The following OFD1 variants were observed in gnomAD, a reference collection of about 807,000 sequenced individuals.
OFD1 encodes the protein OFD1 centriole and centriolar satellite protein, also known as centriole and centriolar satellite protein OFD1.
A neutral mutation model predicts 81.4 loss-of-function variants in OFD1; 12 were observed. The ratio of observed to expected loss-of-function variants is 0.15; its 90% confidence interval spans 0.09 to 0.24. OFD1 has a LOEUF of 0.24. OFD1 is among the 10% of genes least tolerant of loss of function. The pLI is 1.00. For missense variants in OFD1, 685 were observed against 733.9 expected (o/e 0.93, Z 0.77); for synonymous variants, 256 against 263.7 (o/e 0.97, Z 0.28).
At chrX:13,727,299 T>C in the OFD1 span, among the ~76,000 whole-genome samples, 2 of 112,313 alleles carry the variant, frequency 1.8e-5, no homozygotes, top group African/African-American at 6.5e-5. Flanking sequence ...AGAATATACA[T>C]TCTTCTCAGC....
At chrX:13,773,300 CGA>C, downstream of OFD1, 2 of 190,377 alleles carry the variant, frequency 1.1e-5, no homozygotes, top group Non-Finnish European at 1.8e-5. Flanking sequence ...AAATGAAATA[CGA>C]GAGGGTGCTT....
At chrX:13,756,125 T>C (rs2047701130) in intron 12 of OFD1, among the ~76,000 whole-genome samples, 1 of 109,464 alleles carries the variant, frequency 9.1e-6, no homozygotes, top group African/African-American at 3.3e-5. Flanking sequence ...AGCTAATTGT[T>C]GTATTTTTAG....
intron 6 of OFD1, among the ~76,000 whole-genome samples, chrX:13,745,465 A>G (rs895371617): frequency 2.7e-5 from 3 of 112,590 alleles, no homozygotes; most frequent in Non-Finnish European, 3.7e-5. Flanking sequence ...TTTTACATTT[A>G]AAGCACATCT....
chrX:13,729,072 A>G, the OFD1 span, among the ~76,000 whole-genome samples: 1 of 111,802 alleles, frequency 8.9e-6, no homozygotes, highest in African/African-American at 3.3e-5. Flanking sequence ...GGAGAACTAC[A>G]AACCACTGCT....
At chrX:13,716,539 G>T in the OFD1 span, 1 of 1,211,332 alleles carries the variant, frequency 8.3e-7, no homozygotes. Context: ...GATATGCCCC[G>T]CAGTGACAAA....
At chrX:13,771,574 CTT>C (rs1224669622), downstream of OFD1, 1 of 111,895 alleles carries the variant, frequency 8.9e-6, no homozygotes, top group Admixed American at 9.5e-5. Flanking sequence ...CAAGTTAACT[CTT>C]AACAATGAAT....
At chrX:13,757,584 C>G in intron 13 of OFD1, 76 bp from the exon 14 acceptor site, 4 of 1,073,645 alleles carry the variant, frequency 3.7e-6, no homozygotes, top group Non-Finnish European at 5.1e-6. Context: ...ACCCCTTTAA[C>G]TGTTTTTGTT....
intron 5 of OFD1, among the ~76,000 whole-genome samples, chrX:13,741,148 AAAAT>A (rs2047084064): frequency 1.8e-5 from 2 of 111,766 alleles, no homozygotes; most frequent in South Asian, 3.7e-4. Context: ...CAAAAAAAAA[AAAAT>A]AGTTTTTACA....
At chrX:13,726,040 G>A in the OFD1 span, among the ~76,000 whole-genome samples, 7 of 111,829 alleles carry the variant, frequency 6.3e-5, 1 homozygote, top group South Asian at 7.4e-4. Flanking sequence ...GAAATAAAGC[G>A]AGAAAACAAG....
At chrX:13,749,580 AAAG>A (rs2047428152) in intron 9 of OFD1, 47 bp downstream of exon 9, 1 of 777,570 alleles carries the variant, frequency 1.3e-6, no homozygotes, top group Non-Finnish European at 2.0e-6. Context: ...ATGAGATTAA[AAAG>A]AATTACTAAA....
chrX:13,752,873 T>G, intron 10 of OFD1: 2 of 954,305 alleles, frequency 2.1e-6, no homozygotes, highest in Non-Finnish European at 1.3e-6. Flanking sequence ...AAATGTGCCT[T>G]TTGGTATTGC....
intron 10 of OFD1, 66 bp downstream of exon 10, chrX:13,751,434 C>A (rs747952872): frequency 1.1e-6 from 1 of 950,716 alleles, no homozygotes; most frequent in Non-Finnish European, 1.5e-6. Flanking sequence ...ATAACAAAAA[C>A]TGACAAAGTA....
chrX:13,736,376 C>G, intron 2 of OFD1, 102 bp from the exon 3 acceptor site: 1 of 1,092,106 alleles, frequency 9.2e-7, no homozygotes, highest in South Asian at 1.9e-5. Flanking sequence ...AGGAAGGTTT[C>G]CAATGAATGT....
At position 13,767,291 on chromosome X, in the gene OFD1, A is replaced by T. The variant is rs1422378780; in HGVS notation, c.2757+7A>T. On this transcript the variant is annotated splice_region_variant and intron_variant, in intron 20 of 22. Coordinates refer to ENST00000340096, the MANE Select transcript of OFD1 (RefSeq NM_003611.3). ...AAAACTGTATCAGGAAAGGGTAATA[A>T]GTATGACTTGATTCTCTGAACTGGT... 8.3e-7 allele frequency: 1 copy of T among 1,209,906 alleles called. No individual in the cohort carries two copies. Among genetic ancestry groups the T allele is most frequent in the South Asian group, 1.8e-5 (1 of 56,941 alleles).
chrX:13,750,618 A>G (rs2047467457), intron 9 of OFD1, among the ~76,000 whole-genome samples: 1 of 111,960 alleles, frequency 8.9e-6, no homozygotes, highest in South Asian at 3.7e-4. Flanking sequence ...TTTTTTCAAT[A>G]TTCAATCAAT....
In OFD1 at chrX:13,739,130, A is replaced by C. The variant is rs2046988744; in HGVS notation, c.412+98A>C. On this transcript the variant is annotated intron_variant, in intron 5 of 22. Coordinates refer to ENST00000340096, the MANE Select transcript of OFD1 (RefSeq NM_003611.3). Reference sequence around the variant, plus strand: ...ATTTTTAGGGAGAAGAGTAAAATTTAATTTGATTTAAATTATTTGATTTCT... The same window carrying C: ...ATTTTTAGGGAGAAGAGTAAAATTTCATTTGATTTAAATTATTTGATTTCT... 8 of 689,504 alleles carry C rather than the reference A, an allele frequency of 1.2e-5. No homozygotes were observed. In the South Asian group the frequency reaches 1.8e-4, roughly 15 times the overall value. 56.8% of individuals were successfully genotyped at this position (689,504 alleles called of 1,213,427 possible). A position where few individuals can be genotyped will look rare whatever the true frequency, so the allele number is the denominator to read the frequency against.
At chrX:13,729,273 A>C in the OFD1 span, among the ~76,000 whole-genome samples, 2 of 112,129 alleles carry the variant, frequency 1.8e-5, no homozygotes, top group Non-Finnish European at 3.8e-5. Context: ...GGAACCAAAA[A>C]AGAGCCCACA....
Position 13,760,795 on chromosome X carries a change from G to T in OFD1, c.2260+75G>T, listed in dbSNP as rs960528671. Reference sequence around the variant, plus strand: ...ACCCTGCCCACGACACAGGGTTGCCGTGAGGGTCAGCGGGCCAGAGTGGCA... The same window carrying T: ...ACCCTGCCCACGACACAGGGTTGCCTTGAGGGTCAGCGGGCCAGAGTGGCA... On this transcript the variant is annotated intron_variant, in intron 16 of 22. Transcript: ENST00000340096. The T allele has an allele frequency of 6.1e-6, 7 of 1,147,767 alleles. No individual in the cohort carries two copies. The African/African-American group carries it at 1.1e-4, about 18-fold the overall frequency. 94.6% of individuals were successfully genotyped at this position (1,147,767 alleles called of 1,213,427 possible). A position where few individuals can be genotyped will look rare whatever the true frequency, so the allele number is the denominator to read the frequency against.
the OFD1 span, among the ~76,000 whole-genome samples, chrX:13,728,041 C>A: frequency 8.9e-6 from 1 of 112,074 alleles, no homozygotes; most frequent in East Asian, 2.8e-4. Context: ...TCTCCCAAGG[C>A]TAAACCAGGA....
Sources: allele counts gnomAD v4.1 joint callset (sites outside exome capture counted in the v4.1 genomes callset), GRCh38; gene constraint gnomAD v4.1.1; transcripts MANE v1.5; gene names NCBI Gene and HGNC (gene_info 2026-07-23, HGNC 2026-07-21).